The following ZNF676 variants were observed in gnomAD, a reference collection of about 807,000 sequenced individuals.
The protein encoded by ZNF676 is zinc finger protein 676.
A neutral mutation model predicts 6.0 loss-of-function variants in ZNF676; 4 were observed. That is an observed-to-expected ratio of 0.67 (90% CI 0.33 to 1.53). ZNF676 has a LOEUF of 1.53. ZNF676 is among the 40% of genes most tolerant of loss of function. The pLI, the probability that ZNF676 is intolerant of heterozygous loss-of-function variation, is 0.06. For synonymous variants in ZNF676, 198 were observed against 223.1 expected (o/e 0.89, Z 1.00); for missense variants, 644 against 679.7 (o/e 0.95, Z 0.58).
chr19:22,187,960 T>C (rs2023860547), intron 2 of ZNF676, among the ~76,000 whole-genome samples: 1 of 152,040 alleles, frequency 6.6e-6, no homozygotes, highest in Non-Finnish European at 1.5e-5. Context: ...CGATTCTTTC[T>C]GAAACTATTC....
chr19:22,236,073 C>T, the ZNF676 span, among the ~76,000 whole-genome samples: 2 of 151,708 alleles, frequency 1.3e-5, no homozygotes, highest in East Asian at 1.9e-4. Flanking sequence ...GGAATCACCA[C>T]CTTTGCGTCT....
At chr19:22,235,006 A>C in the ZNF676 span, among the ~76,000 whole-genome samples, 1 of 113,522 alleles carries the variant, frequency 8.8e-6, no homozygotes, top group Non-Finnish European at 1.8e-5. Context: ...GAAAGAAAGA[A>C]AGAAAGAAAG....
the ZNF676 span, among the ~76,000 whole-genome samples, chr19:22,226,290 C>T: frequency 6.6e-6 from 1 of 151,956 alleles, no homozygotes; most frequent in Non-Finnish European, 1.5e-5. Flanking sequence ...TGTGTCAGTA[C>T]TATATTGTTT....
the ZNF676 span, among the ~76,000 whole-genome samples, chr19:22,255,847 C>A: frequency 2.1e-5 from 3 of 143,132 alleles, no homozygotes; most frequent in Non-Finnish European, 3.0e-5. Flanking sequence ...GGTGACAGAG[C>A]AAGACTCCAT....
At chr19:22,223,947 A>G in the ZNF676 span, among the ~76,000 whole-genome samples, 1 of 151,768 alleles carries the variant, frequency 6.6e-6, no homozygotes, top group Admixed American at 6.6e-5. Context: ...TATGTAGCAT[A>G]TATTGTGTAA....
the ZNF676 span, among the ~76,000 whole-genome samples, chr19:22,235,151 G>GGAAGGAAGGAAA: frequency 8.3e-5 from 10 of 121,078 alleles, no homozygotes; most frequent in African/African-American, 2.5e-4. Flanking sequence ...AAGGAAGGAA[G>GGAAGGAAGGAAA]GAAAGAAAGA....
the ZNF676 span, among the ~76,000 whole-genome samples, chr19:22,258,331 T>A: frequency 1.6e-4 from 24 of 152,258 alleles, no homozygotes; most frequent in Admixed American, 1.4e-3. Flanking sequence ...AAGACTTACA[T>A]CTTCTTCGTG....
At chr19:22,196,178 T>C (rs2023964705) in intron 1 of ZNF676, among the ~76,000 whole-genome samples, 1 of 152,168 alleles carries the variant, frequency 6.6e-6, no homozygotes, top group African/African-American at 2.4e-5. Flanking sequence ...GGAGGCTATA[T>C]GATCAAACAG....
Position 22,180,445 on chromosome 19 carries a change from T to C in ZNF676, c.1272A>G (p.Glu424=), listed in dbSNP as rs562485436. 31 of 1,613,306 alleles carry C rather than the reference T, an allele frequency of 1.9e-5. No homozygotes were observed. In the East Asian group the frequency reaches 6.7e-4, roughly 35 times the overall value. The part of the protein sequence containing the change: ...IHTGEKPYKC[E]ECGKAFSWSS... The stretch of plus-strand genomic sequence containing the variant: ...ACCAGCTGAAGGCTTTGCCACATTC[T>C]TCACACTTGTAGGGTTTCTCTCCAG... The change falls in exon 3 of 3, where the codon GAA becomes GAG. Residue 424 remains glutamate (E), a synonymous_variant. Transcript: ENST00000397121.
At chr19:22,245,777 C>T in the ZNF676 span, among the ~76,000 whole-genome samples, 2 of 152,086 alleles carry the variant, frequency 1.3e-5, no homozygotes, top group African/African-American at 4.8e-5. Context: ...AGTCACATTA[C>T]CTTGATGTTG....
chr19:22,215,071 C>A (rs1039603991), intron 1 of ZNF676, among the ~76,000 whole-genome samples: 10 of 114,990 alleles, frequency 8.7e-5, no homozygotes, highest in South Asian at 5.9e-4. Context: ...CAACAAAAAA[C>A]CAGGAAACTA....
chr19:22,259,668 T>C, the ZNF676 span: 1 of 152,126 alleles, frequency 6.6e-6, no homozygotes, highest in East Asian at 1.9e-4. Flanking sequence ...TCGCTTCAAA[T>C]AGTTTTGAGC....
the ZNF676 span, among the ~76,000 whole-genome samples, chr19:22,227,985 G>T: frequency 6.6e-6 from 1 of 152,222 alleles, no homozygotes; most frequent in Non-Finnish European, 1.5e-5. Context: ...AGAGAAAGAG[G>T]GACTCCTCCC....
chr19:22,194,365 G>A (rs2023945362), intron 1 of ZNF676, among the ~76,000 whole-genome samples: 2 of 151,880 alleles, frequency 1.3e-5, no homozygotes, highest in Non-Finnish European at 2.9e-5. Context: ...TGGCTCCTGT[G>A]AGATCCACAC....
chr19:22,235,648 C>T, the ZNF676 span, among the ~76,000 whole-genome samples: 2 of 152,148 alleles, frequency 1.3e-5, no homozygotes, highest in Non-Finnish European at 2.9e-5. Flanking sequence ...GGTGTGTTTG[C>T]TATTTCTTGC....
the ZNF676 span, among the ~76,000 whole-genome samples, chr19:22,249,627 G>T: frequency 6.6e-6 from 1 of 152,006 alleles, no homozygotes; most frequent in African/African-American, 2.4e-5. Context: ...AGTCAGGCTG[G>T]TCTCAAACTC....
upstream of ZNF676, among the ~76,000 whole-genome samples, chr19:22,220,324 CT>C (rs1361101673): frequency 2.6e-5 from 4 of 151,988 alleles, no homozygotes; most frequent in African/African-American, 9.7e-5. Context: ...GTGATACTGG[CT>C]TCATAGAATA....
chr19:22,212,497 T>C (rs2024139652), intron 1 of ZNF676, among the ~76,000 whole-genome samples: 1 of 150,992 alleles, frequency 6.6e-6, no homozygotes, highest in African/African-American at 2.4e-5. Flanking sequence ...GGTCAGAATT[T>C]TGAGCTCAAA....
chr19:22,235,618 A>C, the ZNF676 span, among the ~76,000 whole-genome samples: 1 of 152,190 alleles, frequency 6.6e-6, no homozygotes, highest in East Asian at 1.9e-4. Flanking sequence ...CTGGCATGCA[A>C]ATGTCTCATG....
Sources: allele counts gnomAD v4.1 joint callset (sites outside exome capture counted in the v4.1 genomes callset), GRCh38; gene constraint gnomAD v4.1.1; transcripts MANE v1.5; gene names NCBI Gene and HGNC (gene_info 2026-07-23, HGNC 2026-07-21).